UGT1A9: variants seen among roughly 807,000 people sequenced by gnomAD.
UGT1A9 encodes UDP-glucuronosyltransferase 1A9.
UGT1A9 carries 35 observed loss-of-function variants against 45.0 expected under a neutral mutation model. The ratio of observed to expected loss-of-function variants is 0.78; its 90% confidence interval spans 0.59 to 1.03. UGT1A9 has a LOEUF of 1.03. UGT1A9 is among the 50% of genes least tolerant of loss of function. UGT1A9 has a pLI of 0.00. For missense variants in UGT1A9, 687 were observed against 666.6 expected (o/e 1.03, Z -0.34); for synonymous variants, 278 against 250.6 (o/e 1.11, Z -1.03).
At chr2:233,713,669 T>G in intron 1 of UGT1A9, 1 of 1,613,978 alleles carries the variant, frequency 6.2e-7, no homozygotes, top group Non-Finnish European at 8.5e-7. Context: ...TTTGCCATGC[T>G]GTTTCTGCTC....
Position 233,772,667 on chromosome 2 carries a change from T to C in UGT1A9, c.*108T>C. On this transcript the variant is annotated 3_prime_UTR_variant, in exon 5 of 5. Transcript: ENST00000354728. Reference sequence around the variant, plus strand: ...TTTTATTCTTATTAAGGAAATACTTTGCATAAATTAATCAGCCCCAGAGTG... The same window carrying C: ...TTTTATTCTTATTAAGGAAATACTTCGCATAAATTAATCAGCCCCAGAGTG... The C allele has an allele frequency of 2.0e-6, 3 of 1,538,078 alleles. No individual in the cohort carries two copies. Among genetic ancestry groups the C allele is most frequent in the Admixed American group, 4.0e-5 (2 of 50,106 alleles).
intron 1 of UGT1A9, among the ~76,000 whole-genome samples, chr2:233,761,486 A>C (rs1697783062): frequency 6.6e-6 from 1 of 152,228 alleles, no homozygotes; most frequent in South Asian, 2.1e-4. Flanking sequence ...TGAAGCCTGC[A>C]CCTTGCCCTG....
At chr2:233,767,269 G>T in intron 2 of UGT1A9, 104 bp downstream of exon 2, 1 of 1,582,682 alleles carries the variant, frequency 6.3e-7, no homozygotes, top group South Asian at 1.2e-5. Flanking sequence ...CTTAGATTTG[G>T]CTTTTCCCTG....
intron 1 of UGT1A9, among the ~76,000 whole-genome samples, chr2:233,702,882 G>T (rs1405599781): frequency 6.6e-6 from 1 of 152,086 alleles, no homozygotes; most frequent in East Asian, 1.9e-4. Context: ...GAGGACTTTT[G>T]CATCATATCC....
intron 1 of UGT1A9, among the ~76,000 whole-genome samples, chr2:233,752,746 AAAAC>A (rs200752387): frequency 3.8e-4 from 58 of 152,306 alleles, no homozygotes; most frequent in East Asian, 2.5e-3. Context: ...CCCTGTCTCT[AAAAC>A]AAACAAACAA....
In UGT1A9 at chr2:233,772,332, G is replaced by A. The variant is rs1201825340; in HGVS notation, c.1366G>A (p.Val456Met). 10 of 1,614,084 alleles carry A rather than the reference G, an allele frequency of 6.2e-6. No individual in the cohort carries two copies. Among genetic ancestry groups the A allele is most frequent in the East Asian group, 2.2e-5 (1 of 44,892 alleles). ...DRPVEPLDLAVFWVEFVMRHK... is the reference protein window; with the variant it reads ...DRPVEPLDLAMFWVEFVMRHK... ...CCCGGTGGAGCCGCTGGACCTGGCC[G>A]TGTTCTGGGTGGAGTTTGTGATGAG... The change falls in exon 5 of 5, where the codon GTG becomes ATG. Residue 456 changes from valine (V) to methionine (M), a missense_variant. Physicochemically the swap from Val to Met is conservative, Grantham distance 21 (BLOSUM62 1). Transcript: ENST00000354728.
At chr2:233,676,959 C>T (rs1260270998) in intron 1 of UGT1A9, among the ~76,000 whole-genome samples, 2 of 151,932 alleles carry the variant, frequency 1.3e-5, no homozygotes, top group African/African-American at 4.8e-5. Flanking sequence ...ATTACTATAG[C>T]TGTGTAATAA....
intron 2 of UGT1A9, 45 bp from the exon 3 acceptor site, chr2:233,767,804 A>T: frequency 6.2e-7 from 1 of 1,614,124 alleles, no homozygotes; most frequent in Non-Finnish European, 8.5e-7. Flanking sequence ...TTTTCTAATC[A>T]TATTATGTTC....
rs182473388 is a variant in UGT1A9, at chr2:233,678,066, C to G, written c.855+5277C>G. On this transcript the variant is annotated intron_variant, in intron 1 of 4. Transcript: ENST00000354728. ...ATTACCCTAAGGGAATATATACAGG[C>G]ACAGAACACCAAATACCATTGTTTT... 2.0e-5 allele frequency among the ~76,000 whole-genome samples: 3 copies of G among 152,218 alleles called. No individual in the cohort carries two copies. In the East Asian group the frequency reaches 5.8e-4, roughly 29 times the overall value.
At chr2:233,677,449 C>T (rs1033869500) in intron 1 of UGT1A9, among the ~76,000 whole-genome samples, 2 of 152,142 alleles carry the variant, frequency 1.3e-5, no homozygotes, top group Non-Finnish European at 2.9e-5. Context: ...TTACCAAAAG[C>T]CTTGCCAATA....
chr2:233,682,283 AT>A (rs761783862), intron 1 of UGT1A9: 12 of 1,614,164 alleles, frequency 7.4e-6, no homozygotes, highest in Non-Finnish European at 9.3e-6. Flanking sequence ...ATCCAATGGT[AT>A]TTTTGACTTA....
chr2:233,743,797 C>T (rs1382716558), intron 1 of UGT1A9: 8 of 1,367,342 alleles, frequency 5.9e-6, no homozygotes, highest in Non-Finnish European at 7.8e-6. Flanking sequence ...TCTCCGCTTC[C>T]TCCTTGTTCT....
intron 1 of UGT1A9, among the ~76,000 whole-genome samples, chr2:233,706,755 G>A (rs1452433367): frequency 1.3e-5 from 2 of 152,148 alleles, no homozygotes; most frequent in East Asian, 1.9e-4. Context: ...GCAGAGTGCC[G>A]TACACTGGTA....
intron 1 of UGT1A9, among the ~76,000 whole-genome samples, chr2:233,683,553 C>G (rs989486799): frequency 6.6e-6 from 1 of 152,058 alleles, no homozygotes; most frequent in South Asian, 2.1e-4. Flanking sequence ...TGAGATTGGC[C>G]TTCTTTTGCT....
At chr2:233,756,948 G>A (rs530775201) in intron 1 of UGT1A9, among the ~76,000 whole-genome samples, 1 of 152,072 alleles carries the variant, frequency 6.6e-6, no homozygotes, top group African/African-American at 2.4e-5. Flanking sequence ...CCTGAAACCC[G>A]GACTTGGCAC....
chr2:233,700,832 A>C (rs2075591149), intron 1 of UGT1A9, among the ~76,000 whole-genome samples: 1 of 152,014 alleles, frequency 6.6e-6, no homozygotes, highest in Non-Finnish European at 1.5e-5. Flanking sequence ...TTAACTCGTC[A>C]TTTAGCATTA....
intron 1 of UGT1A9, chr2:233,713,265 C>T: frequency 6.2e-7 from 1 of 1,614,232 alleles, no homozygotes; most frequent in Non-Finnish European, 8.5e-7. Flanking sequence ...ATTTGATCGC[C>T]TTTTGCTGGG....
rs1450020479 is a variant in UGT1A9, at chr2:233,719,077, A to G, written c.855+46288A>G. ...ACAGCCTATGCTGTTCCATGGACCC[A>G]GAAGGAATTTGATCGCGTTACGCTG... On this transcript the variant is annotated intron_variant, in intron 1 of 4. Transcript: ENST00000354728. The G allele has an allele frequency of 3.3e-5, 54 of 1,614,166 alleles. No individual in the cohort carries two copies. The highest frequency in any genetic ancestry group is 4.4e-5 in the Non-Finnish European group (52 of 1,180,062).
In UGT1A9 at chr2:233,734,493, T is replaced by C. The variant is rs572149400; in HGVS notation, c.856-32541T>C. On this transcript the variant is annotated intron_variant, in intron 1 of 4. Coordinates refer to ENST00000354728, the MANE Select transcript of UGT1A9 (RefSeq NM_021027.3). ...TGGATTCATTGATTTTTTTGAAGGT[T>C]TTTTTGTGTCTCTATCTCTTTCAGT... Among the ~76,000 whole-genome samples the C allele has an allele frequency of 7.2e-5, 11 of 152,330 alleles. 1 individual carries two copies. In the South Asian group the frequency reaches 1.2e-3, roughly 17 times the overall value.
Sources: allele counts gnomAD v4.1 joint callset (sites outside exome capture counted in the v4.1 genomes callset), GRCh38; gene constraint gnomAD v4.1.1; transcripts MANE v1.5; gene names NCBI Gene and HGNC (gene_info 2026-07-23, HGNC 2026-07-21).